The following GLCE variants were observed in gnomAD, a reference collection of about 807,000 sequenced individuals.
GLCE encodes glucuronic acid epimerase.
GLCE carries 19 observed loss-of-function variants against 47.9 expected under a neutral mutation model. That is an observed-to-expected ratio of 0.40 (90% CI 0.28 to 0.58). The LOEUF (loss-of-function observed/expected upper bound fraction) is 0.58, where lower values mean the gene tolerates loss of function less well. Ranked by LOEUF, GLCE falls within the 20% of genes least tolerant of loss-of-function variation. The pLI is 0.48. For synonymous variants in GLCE, 245 were observed against 263.4 expected (o/e 0.93, Z 0.68); for missense variants, 556 against 743.3 (o/e 0.75, Z 2.93).
intron 2 of GLCE, among the ~76,000 whole-genome samples, chr15:69,234,294 T>G (rs1418386986): frequency 6.6e-6 from 1 of 152,100 alleles, no homozygotes; most frequent in Non-Finnish European, 1.5e-5. Flanking sequence ...ATTATTTTTT[T>G]TTAATTTTTT....
At chr15:69,183,588 A>G (rs757552087) in intron 1 of GLCE, among the ~76,000 whole-genome samples, 3 of 152,218 alleles carry the variant, frequency 2.0e-5, no homozygotes, top group Admixed American at 6.5e-5. Context: ...TCACTAATCA[A>G]TGCTATTTCT....
At chr15:69,263,175 TAA>T (rs1277663604) in intron 4 of GLCE, among the ~76,000 whole-genome samples, 1 of 152,126 alleles carries the variant, frequency 6.6e-6, no homozygotes, top group African/African-American at 2.4e-5. Context: ...TTGCATACTA[TAA>T]GAGTATGAGA....
intron 1 of GLCE, among the ~76,000 whole-genome samples, chr15:69,190,986 G>A (rs749828624): frequency 1.3e-4 from 19 of 151,752 alleles, no homozygotes; most frequent in Non-Finnish European, 2.1e-4. Context: ...AACTTACACC[G>A]TGTTCCTACA....
Position 69,268,836 on chromosome 15 carries a change from G to C in GLCE, c.1446G>C (p.Glu482Asp). 1 of 1,614,192 alleles carries C rather than the reference G, an allele frequency of 6.2e-7. No individual in the cohort carries two copies. Among genetic ancestry groups the C allele is most frequent in the Non-Finnish European group, 8.5e-7 (1 of 1,180,002 alleles). Residue 482 changes from glutamate to aspartate, a missense_variant, in exon 5 of 5, where the codon GAG becomes GAC. Around this residue, in one of 3 missense-constraint regions of GLCE, gnomAD observed 245 missense variants for 368.1 expected, o/e 0.67. Transcript: ENST00000261858. Reference sequence around the variant, plus strand: ...CAGCCCCTTATAAGTTTCTATCTGAGCAGCATGGAGTTAAAGCTGTGTTTA... The same window carrying C: ...CAGCCCCTTATAAGTTTCTATCTGACCAGCATGGAGTTAAAGCTGTGTTTA... ...RATAPYKFLS[E>D]QHGVKAVFMN...
At chr15:69,217,652 A>C (rs1486185519) in intron 2 of GLCE, among the ~76,000 whole-genome samples, 1 of 152,162 alleles carries the variant, frequency 6.6e-6, no homozygotes, top group Non-Finnish European at 1.5e-5. Context: ...TTCATTGTTG[A>C]AATCAGCACT....
intron 2 of GLCE, among the ~76,000 whole-genome samples, chr15:69,245,573 A>G (rs956376587): frequency 2.6e-5 from 4 of 152,170 alleles, no homozygotes; most frequent in African/African-American, 9.6e-5. Flanking sequence ...TCTTCCTTTC[A>G]TGAAAGATTT....
intron 1 of GLCE, among the ~76,000 whole-genome samples, chr15:69,172,404 A>C (rs1173038818): frequency 1.3e-5 from 2 of 152,328 alleles, no homozygotes; most frequent in African/African-American, 4.8e-5. Context: ...TTATGGGGTA[A>C]GTGAACTATT....
At chr15:69,180,997 G>A (rs1017610167) in intron 1 of GLCE, among the ~76,000 whole-genome samples, 51 of 152,314 alleles carry the variant, frequency 3.3e-4, no homozygotes, top group African/African-American at 1.2e-3. Flanking sequence ...AGTAGTGGTG[G>A]TGGTGAGTAA....
At chr15:69,169,448 A>G (rs1200924540) in intron 1 of GLCE, among the ~76,000 whole-genome samples, 2 of 152,134 alleles carry the variant, frequency 1.3e-5, no homozygotes, top group Non-Finnish European at 2.9e-5. Flanking sequence ...CATATGCACA[A>G]CGTGCAGGTT....
intron 1 of GLCE, among the ~76,000 whole-genome samples, chr15:69,177,221 G>A (rs1044519053): frequency 1.3e-5 from 2 of 150,898 alleles, no homozygotes; most frequent in African/African-American, 2.5e-5. Context: ...GTTTCACCAC[G>A]CCCAGCTAAT....
chr15:69,251,710 T>A (rs1399628939), intron 2 of GLCE, among the ~76,000 whole-genome samples: 1 of 152,164 alleles, frequency 6.6e-6, no homozygotes, highest in African/African-American at 2.4e-5. Flanking sequence ...GGCTTTCTCC[T>A]TTTTAAATAT....
chr15:69,260,030 T>A (rs550930884), intron 3 of GLCE, among the ~76,000 whole-genome samples: 2 of 152,292 alleles, frequency 1.3e-5, no homozygotes, highest in East Asian at 3.9e-4. Context: ...AGCTCCTAAG[T>A]AGTAAATTAC....
rs2053121475 is a variant in GLCE, at chr15:69,268,709, G to A, written c.1319G>A (p.Gly440Glu). ...GAAGGGTTCAAGTCTTTAGAGCCAG[G>A]ATGGTATTCTGCCATGGCCCAAGGG... ...LGEGFKSLEP[G>E]WYSAMAQGQA... The change falls in exon 5 of 5, where the codon GGA becomes GAA. Residue 440 changes from glycine (G) to glutamate (E), a missense_variant. By Grantham distance (98) the Gly-to-Glu change is moderately conservative. Coordinates refer to ENST00000261858, the MANE Select transcript of GLCE (RefSeq NM_015554.3). 1 of 1,614,208 alleles carries A rather than the reference G, an allele frequency of 6.2e-7. No individual in the cohort carries two copies. Among genetic ancestry groups the A allele is most frequent in the Non-Finnish European group, 8.5e-7 (1 of 1,180,032 alleles).
chr15:69,268,253 A>G lies in GLCE; in HGVS notation c.863A>G (p.Asn288Ser), dbSNP rs1364419206. The change falls in exon 5 of 5, where the codon AAC becomes AGC. Residue 288 changes from asparagine (N) to serine (S), a missense_variant. Around this residue, in one of 3 missense-constraint regions of GLCE, gnomAD observed 74 missense variants for 64.4 expected, o/e 1.15. Coordinates refer to ENST00000261858, the MANE Select transcript of GLCE (RefSeq NM_015554.3). ...GAAGGTGTATCCTTGCAACTGGGAA[A>G]CACAAAAGATTTTATTATTTCATTT... ...TSEGVSLQLG[N>S]TKDFIISFDL... 4 of 1,610,622 alleles carry G rather than the reference A, an allele frequency of 2.5e-6. No homozygotes were observed. In the South Asian group the frequency reaches 4.4e-5, roughly 18 times the overall value.
At chr15:69,235,197 T>G (rs1018308617) in intron 2 of GLCE, among the ~76,000 whole-genome samples, 4 of 136,254 alleles carry the variant, frequency 2.9e-5, no homozygotes, top group Non-Finnish European at 6.2e-5. Flanking sequence ...AACCTCTGCC[T>G]CCTGGGTTCA....
chr15:69,205,069 T>C (rs2052131748), intron 1 of GLCE, among the ~76,000 whole-genome samples: 1 of 152,156 alleles, frequency 6.6e-6, no homozygotes, highest in Admixed American at 6.5e-5. Context: ...TATTTCAACA[T>C]GTATAGATTT....
chr15:69,165,768 A>G (rs537340286), intron 1 of GLCE, among the ~76,000 whole-genome samples: 6 of 152,214 alleles, frequency 3.9e-5, no homozygotes, highest in Admixed American at 1.3e-4. Context: ...ATAGTTGGCT[A>G]TCATTACATG....
intron 2 of GLCE, among the ~76,000 whole-genome samples, chr15:69,227,600 G>C (rs1372863466): frequency 6.6e-6 from 1 of 152,198 alleles, no homozygotes; most frequent in East Asian, 1.9e-4. Context: ...GAAGCAGCAA[G>C]ATCTGCAAGT....
At chr15:69,201,967 G>A (rs2052081483) in intron 1 of GLCE, among the ~76,000 whole-genome samples, 1 of 151,994 alleles carries the variant, frequency 6.6e-6, no homozygotes, top group Non-Finnish European at 1.5e-5. Context: ...CACCCAGGCT[G>A]GAGTGCATTG....
Sources: allele counts gnomAD v4.1 joint callset (sites outside exome capture counted in the v4.1 genomes callset), GRCh38; gene constraint gnomAD v4.1.1; regional missense constraint gnomAD v4.1.1; transcripts MANE v1.5; gene names NCBI Gene and HGNC (gene_info 2026-07-23, HGNC 2026-07-21).